The following KIF24 variants were observed in gnomAD, a reference collection of about 807,000 sequenced individuals.
KIF24 encodes kinesin-like protein KIF24.
A neutral mutation model predicts 118.9 loss-of-function variants in KIF24; 81 were observed. The observed-to-expected ratio is 0.68, with a 90% CI of 0.57 to 0.82. The LOEUF is 0.82. KIF24 is among the 40% of genes least tolerant of loss of function. The pLI, the probability that KIF24 is intolerant of heterozygous loss-of-function variation, is 0.00. For missense variants in KIF24, 1,560 were observed against 1,661.6 expected (o/e 0.94, Z 1.06); for synonymous variants, 599 against 610.0 (o/e 0.98, Z 0.27).
At chr9:34,274,931 G>A (rs1395159766) in intron 6 of KIF24, among the ~76,000 whole-genome samples, 3 of 151,502 alleles carry the variant, frequency 2.0e-5, no homozygotes, top group Non-Finnish European at 4.4e-5. Context: ...TTATGTGTGT[G>A]ATCTAAAAAT....
chr9:34,307,812 G>A (rs1587962176), intron 2 of KIF24, among the ~76,000 whole-genome samples: 1 of 141,976 alleles, frequency 7.0e-6, no homozygotes, highest in Non-Finnish European at 1.5e-5. Flanking sequence ...TCACAGGTGA[G>A]ATAGTGCCAT....
Position 34,257,566 on chromosome 9 carries a change from GGACA to G in KIF24, c.2037_2040del (p.Val680LeufsTer14). On this transcript the variant is annotated frameshift_variant, in exon 11 of 13. Transcript: ENST00000402558. LOFTEE classifies it high-confidence loss of function. ...CCTGAGGCCCTGCTTTCCCACCCAAGGACAGTTTTGTTGCCCATTCGATTTTTCT... is the reference window on the plus strand; with the variant it reads ...CCTGAGGCCCTGCTTTCCCACCCAAGGTTTTGTTGCCCATTCGATTTTTCT... 6.2e-7 allele frequency: 1 copy of G among 1,614,060 alleles called. No homozygotes were observed. The highest frequency in any genetic ancestry group is 1.1e-5 in the South Asian group (1 of 91,090).
At chr9:34,333,174 G>C (rs991731346), upstream of KIF24, among the ~76,000 whole-genome samples, 2 of 152,114 alleles carry the variant, frequency 1.3e-5, no homozygotes, top group African/African-American at 2.4e-5. Context: ...TTTGAGATGG[G>C]TGCTATTAGG....
chr9:34,306,454 TAA>T lies in KIF24; in HGVS notation c.624-15_624-14del. The T allele has an allele frequency of 6.6e-7, 1 of 1,521,996 alleles. No homozygotes were observed. Among genetic ancestry groups the T allele is most frequent in the Non-Finnish European group, 8.9e-7 (1 of 1,122,392 alleles). The allele number at this position is 1,521,996 out of a possible 1,614,324, so 94.3% of individuals were successfully genotyped here. ...TGAAGTGTTCTGTCTAATATGTTTA[TAA>T]ACAGGCTTTTAATTTTTAATAATAG... is the stretch of plus-strand genomic sequence containing the variant. On this transcript the variant is annotated splice_polypyrimidine_tract_variant and intron_variant, in intron 2 of 12. Coordinates refer to ENST00000402558, the MANE Select transcript of KIF24 (RefSeq NM_194313.4).
chr9:34,304,043 T>C (rs1004718336), intron 3 of KIF24, among the ~76,000 whole-genome samples: 3 of 152,214 alleles, frequency 2.0e-5, no homozygotes, highest in Non-Finnish European at 4.4e-5. Context: ...TAAAGTTTAA[T>C]GGTTTGGTAG....
intron 6 of KIF24, among the ~76,000 whole-genome samples, chr9:34,272,954 G>A (rs890750524): frequency 1.1e-4 from 16 of 151,984 alleles, no homozygotes; most frequent in Admixed American, 5.2e-4. Context: ...TATTTGGGCC[G>A]GGCATGGTGG....
rs1342131152 is a variant in KIF24, at chr9:34,311,051, T to C, written c.296A>G (p.Asn99Ser). ...ELRSGPRRQL[N>S]FDSPADNKDR... ...TTTATTGTCAGCAGGAGAATCAAAA[T>C]TCAGCTGTCTGCGAGGGCCAGATCT... Residue 99 changes from asparagine (N) to serine (S), a missense_variant, in exon 2 of 13, where the codon AAT becomes AGT. Asn to Ser is a conservative substitution (Grantham distance 46, BLOSUM62 1). This residue lies in a region of KIF24 where 964 missense variants were observed against 988.0 expected (regional missense o/e 0.98). Coordinates refer to ENST00000402558, the MANE Select transcript of KIF24 (RefSeq NM_194313.4). The C allele has an allele frequency of 6.2e-7, 1 of 1,613,926 alleles. No individual in the cohort carries two copies. Among genetic ancestry groups the C allele is most frequent in the South Asian group, 1.1e-5 (1 of 91,070 alleles).
At position 34,297,061 on chromosome 9, in the gene KIF24, T is replaced by C. The variant is rs1258867457; in HGVS notation, c.867A>G (p.Val289=). The C allele has an allele frequency of 1.9e-6, 3 of 1,597,958 alleles. No individual in the cohort carries two copies. Among genetic ancestry groups the C allele is most frequent in the Admixed American group, 3.4e-5 (2 of 58,694 alleles). Reference sequence around the variant, plus strand: ...TAAGTGGGTGAGTAGTCTTCATGTATACATCCTGATTGGTGCACGCCTCAC... The same window carrying C: ...TAAGTGGGTGAGTAGTCTTCATGTACACATCCTGATTGGTGCACGCCTCAC... ...VFGEACTNQD[V]YMKTTHPLIQ... Residue 289 remains valine (V), a synonymous_variant, in exon 4 of 13, where the codon GTA becomes GTG. Coordinates refer to ENST00000402558, the MANE Select transcript of KIF24 (RefSeq NM_194313.4).
chr9:34,311,678 G>A (rs927669956), intron 1 of KIF24, among the ~76,000 whole-genome samples: 2 of 86,488 alleles, frequency 2.3e-5, no homozygotes, highest in African/African-American at 9.7e-5. Context: ...ACGTGTATAT[G>A]TATATATATA....
At chr9:34,279,540 G>T (rs1051473471) in intron 6 of KIF24, among the ~76,000 whole-genome samples, 2 of 152,268 alleles carry the variant, frequency 1.3e-5, no homozygotes, top group African/African-American at 4.8e-5. Context: ...GTAAAGGCAG[G>T]AAGTTCTGGT....
At chr9:34,265,980 C>T (rs1835271449) in intron 8 of KIF24, among the ~76,000 whole-genome samples, 1 of 151,980 alleles carries the variant, frequency 6.6e-6, no homozygotes, top group East Asian at 1.9e-4. Flanking sequence ...GCAGCCTCAA[C>T]CTCCTGGGCT....
intron 6 of KIF24, among the ~76,000 whole-genome samples, chr9:34,281,378 G>C (rs1031002823): frequency 2.0e-5 from 3 of 152,124 alleles, no homozygotes; most frequent in Non-Finnish European, 4.4e-5. Context: ...ATAGGTAGTA[G>C]AGTATCGTGA....
intron 3 of KIF24, among the ~76,000 whole-genome samples, chr9:34,303,794 A>T (rs1209898721): frequency 3.9e-5 from 6 of 152,222 alleles, no homozygotes; most frequent in South Asian, 2.1e-4. Flanking sequence ...GGTAGCAGTG[A>T]GCCAGGATCA....
chr9:34,286,499 G>A (rs2131741997), intron 6 of KIF24, 118 bp downstream of exon 6: 2 of 668,174 alleles, frequency 3.0e-6, no homozygotes, highest in East Asian at 2.6e-5. Flanking sequence ...GAAGTGGTGG[G>A]CTTGTCATTG....
chr9:34,266,679 GA>G (rs1252037077), intron 8 of KIF24, among the ~76,000 whole-genome samples: 310 of 77,266 alleles, frequency 4.0e-3, no homozygotes, highest in African/African-American at 8.9e-3. Context: ...CTCCATCTCA[GA>G]AAAAAAAAAA....
At position 34,266,335 on chromosome 9, in the gene KIF24, C is replaced by T. The variant is rs749027000; in HGVS notation, c.1443+2922G>A. On this transcript the variant is annotated intron_variant, in intron 8 of 12. Transcript: ENST00000402558. ...CAAGGGCTAACACAGTAGTGATAAG[C>T]ACCCCTAATACACAGACTGAAGTCT... Among the ~76,000 whole-genome samples, 10 of 152,258 alleles carry T rather than the reference C, an allele frequency of 6.6e-5. No homozygotes were observed. The South Asian group carries it at 2.1e-3, about 32-fold the overall frequency.
At chr9:34,326,403 C>T (rs765378139) in intron 1 of KIF24, among the ~76,000 whole-genome samples, 1 of 152,122 alleles carries the variant, frequency 6.6e-6, no homozygotes, top group Non-Finnish European at 1.5e-5. Flanking sequence ...GCCCTCATGA[C>T]ACTATTATTT....
intron 6 of KIF24, among the ~76,000 whole-genome samples, chr9:34,278,041 G>T (rs937401949): frequency 6.6e-6 from 1 of 152,286 alleles, no homozygotes; most frequent in East Asian, 1.9e-4. Context: ...CTGGGAGGCT[G>T]AGAAGGGCGG....
intron 9 of KIF24, among the ~76,000 whole-genome samples, chr9:34,262,679 T>A (rs1451566161): frequency 0.019 from 316 of 16,902 alleles, 11 homozygotes; most frequent in African/African-American, 0.07. Flanking sequence ...AAAAAAAATA[T>A]ATATATATAT....
Sources: allele counts gnomAD v4.1 joint callset (sites outside exome capture counted in the v4.1 genomes callset), GRCh38; gene constraint gnomAD v4.1.1; regional missense constraint gnomAD v4.1.1; transcripts MANE v1.5; gene names NCBI Gene and HGNC (gene_info 2026-07-23, HGNC 2026-07-21).